TEX11: variants seen among roughly 807,000 people sequenced by gnomAD.
The protein encoded by TEX11 is testis expressed 11, also known as testis-expressed protein 11.
Under a neutral mutation model 84.4 loss-of-function variants are expected in TEX11, and 7 were observed. The ratio of observed to expected loss-of-function variants is 0.08; its 90% confidence interval spans 0.05 to 0.16. The LOEUF is 0.16. Ranked by LOEUF, TEX11 falls within the 10% of genes least tolerant of loss-of-function variation. The pLI is 1.00. For synonymous variants in TEX11, 264 were observed against 222.8 expected (o/e 1.18, Z -1.64); for missense variants, 551 against 660.5 (o/e 0.83, Z 1.82).
At chrX:70,698,625 T>A (rs1289386093) in intron 13 of TEX11, among the ~76,000 whole-genome samples, 1 of 110,497 alleles carries the variant, frequency 9.1e-6, no homozygotes, top group African/African-American at 3.3e-5. Context: ...GCAGAAACTA[T>A]TCCAATTCTC....
chrX:70,680,701 C>T (rs1173497568), intron 14 of TEX11, among the ~76,000 whole-genome samples: 1 of 111,543 alleles, frequency 9.0e-6, no homozygotes, highest in Non-Finnish European at 1.9e-5. Context: ...TTTTCATCAT[C>T]AATTTTAGGT....
intron 17 of TEX11, among the ~76,000 whole-genome samples, chrX:70,647,211 T>C (rs747126169): frequency 8.9e-6 from 1 of 111,769 alleles, no homozygotes; most frequent in East Asian, 2.8e-4. Context: ...AGAATGTTCA[T>C]AGAAGCAAAG....
chrX:70,899,278 T>G (rs1354684669), intron 2 of TEX11, among the ~76,000 whole-genome samples: 3 of 111,618 alleles, frequency 2.7e-5, no homozygotes, highest in African/African-American at 9.7e-5. Flanking sequence ...GTGCTTTAAT[T>G]GTAAAATACA....
chrX:70,718,416 C>T (rs1364099077), intron 13 of TEX11, among the ~76,000 whole-genome samples: 1 of 112,001 alleles, frequency 8.9e-6, no homozygotes, highest in Non-Finnish European at 1.9e-5. Flanking sequence ...CCGGATTATT[C>T]CTTGCCAAAA....
At chrX:70,869,107 T>TAAAAC (rs2091616966) in intron 4 of TEX11, among the ~76,000 whole-genome samples, 1 of 98,516 alleles carries the variant, frequency 1.0e-5, no homozygotes, top group African/African-American at 3.9e-5. Flanking sequence ...TAAAATAAAA[T>TAAAAC]AAAATAAAAC....
intron 13 of TEX11, among the ~76,000 whole-genome samples, chrX:70,717,295 A>G (rs58796104): frequency 0.019 from 2,094 of 110,641 alleles, 49 homozygotes; most frequent in African/African-American, 0.065. Flanking sequence ...AGCTTAGTCC[A>G]TTACAGAACT....
intron 24 of TEX11, among the ~76,000 whole-genome samples, chrX:70,598,803 G>A (rs979205038): frequency 1.8e-5 from 2 of 112,067 alleles, no homozygotes; most frequent in Non-Finnish European, 1.9e-5. Context: ...TTTGACTTTC[G>A]TGTAAAATAT....
At chrX:70,720,141 C>T (rs1440053210) in intron 13 of TEX11, among the ~76,000 whole-genome samples, 1 of 111,823 alleles carries the variant, frequency 8.9e-6, no homozygotes, top group Non-Finnish European at 1.9e-5. Flanking sequence ...CAATGATAGA[C>T]TGGATTAAGA....
At chrX:70,719,553 C>T (rs1176160014) in intron 13 of TEX11, among the ~76,000 whole-genome samples, 5 of 111,732 alleles carry the variant, frequency 4.5e-5, no homozygotes, top group African/African-American at 1.6e-4. Context: ...TTCTGCACAG[C>T]AAAAGAAACT....
intron 9 of TEX11, among the ~76,000 whole-genome samples, chrX:70,794,971 T>C (rs141369872): frequency 7.4e-5 from 8 of 108,394 alleles, no homozygotes; most frequent in African/African-American, 1.7e-4. Context: ...AAGGGGACTT[T>C]ATCTTGCAGC....
intron 16 of TEX11, among the ~76,000 whole-genome samples, chrX:70,651,954 A>T (rs776914068): frequency 8.9e-6 from 1 of 111,741 alleles, no homozygotes; most frequent in Admixed American, 9.5e-5. Context: ...AATGTAAGCA[A>T]ATGTTAACTT....
At chrX:70,868,653 T>A (rs749133198) in intron 4 of TEX11, among the ~76,000 whole-genome samples, 1 of 111,362 alleles carries the variant, frequency 9.0e-6, no homozygotes, top group South Asian at 3.8e-4. Context: ...ATAGACTGGA[T>A]AAAGAAAATG....
At chrX:70,633,348 C>T (rs2089532258) in intron 17 of TEX11, among the ~76,000 whole-genome samples, 1 of 111,506 alleles carries the variant, frequency 9.0e-6, no homozygotes, top group Admixed American at 9.5e-5. Flanking sequence ...CCAAATTCAA[C>T]ATCCATTCCT....
At chrX:70,522,945 A>G in the TEX11 span, among the ~76,000 whole-genome samples, 4 of 106,922 alleles carry the variant, frequency 3.7e-5, no homozygotes, top group Admixed American at 4.1e-4. Context: ...AAGTCATGTC[A>G]GGAAGGCCTG....
intron 13 of TEX11, among the ~76,000 whole-genome samples, chrX:70,722,223 T>C (rs1482425538): frequency 5.3e-5 from 6 of 112,224 alleles, no homozygotes; most frequent in African/African-American, 1.9e-4. Context: ...AGCCATTAGC[T>C]ACATGCAGCT....
At chrX:70,609,417 A>G (rs769553385) in intron 21 of TEX11, among the ~76,000 whole-genome samples, 1 of 112,495 alleles carries the variant, frequency 8.9e-6, no homozygotes, top group Non-Finnish European at 1.9e-5. Flanking sequence ...TATAATTTTA[A>G]TTAGTGCAAT....
intron 25 of TEX11, among the ~76,000 whole-genome samples, chrX:70,555,967 A>C (rs1380560012): frequency 9.0e-6 from 1 of 111,421 alleles, no homozygotes; most frequent in Non-Finnish European, 1.9e-5. Context: ...TGTCTGTAGG[A>C]TCTCTAGTGA....
intron 9 of TEX11, among the ~76,000 whole-genome samples, chrX:70,781,314 CCAA>C (rs1377513910): frequency 1.8e-5 from 2 of 111,883 alleles, no homozygotes; most frequent in Non-Finnish European, 3.8e-5. Flanking sequence ...CTGTAGGTCA[CCAA>C]CATCAAATAC....
At chrX:70,850,751 T>A (rs1251358010) in intron 7 of TEX11, among the ~76,000 whole-genome samples, 1 of 107,500 alleles carries the variant, frequency 9.3e-6, no homozygotes. Context: ...CAAGATCCTG[T>A]CTCTAAAACA....
Sources: allele counts gnomAD v4.1 joint callset (sites outside exome capture counted in the v4.1 genomes callset), GRCh38; gene constraint gnomAD v4.1.1; transcripts MANE v1.5; gene names NCBI Gene and HGNC (gene_info 2026-07-23, HGNC 2026-07-21).